Variants in TFB1M observed in about 807,000 individuals in gnomAD.
TFB1M encodes dimethyladenosine transferase 1, mitochondrial.
Under a neutral mutation model 31.1 loss-of-function variants are expected in TFB1M, and 27 were observed. The observed-to-expected ratio is 0.87, with a 90% CI of 0.64 to 1.20. The LOEUF (loss-of-function observed/expected upper bound fraction) is 1.20. Ranked by LOEUF, TFB1M falls within the 50% of genes most tolerant of loss-of-function variation. The pLI is 0.00. For synonymous variants in TFB1M, 166 were observed against 151.8 expected (o/e 1.09, Z -0.69); for missense variants, 394 against 418.7 (o/e 0.94, Z 0.51).
chr6:155,235,904 C>T, the TFB1M span, among the ~76,000 whole-genome samples: 22 of 152,190 alleles, frequency 1.4e-4, no homozygotes, highest in Admixed American at 5.9e-4. Flanking sequence ...TTTTGACATC[C>T]CAGTGAAGCA....
At chr6:155,294,421 T>C (rs1158687004) in intron 4 of TFB1M, among the ~76,000 whole-genome samples, 1 of 152,074 alleles carries the variant, frequency 6.6e-6, no homozygotes, top group Non-Finnish European at 1.5e-5. Flanking sequence ...CACATTTAAC[T>C]AAGGACTAGT....
chr6:155,264,842 A>G (rs1784548813), intron 5 of TFB1M, among the ~76,000 whole-genome samples: 1 of 152,328 alleles, frequency 6.6e-6, no homozygotes, highest in South Asian at 2.1e-4. Context: ...ATATGTATGT[A>G]TGTAAATTAC....
chr6:155,240,888 A>T, the TFB1M span, among the ~76,000 whole-genome samples: 1 of 152,184 alleles, frequency 6.6e-6, no homozygotes, highest in Non-Finnish European at 1.5e-5. Context: ...AGGGTGGAAG[A>T]GCTGAGGAGA....
At chr6:155,233,984 T>C in the TFB1M span, among the ~76,000 whole-genome samples, 164 of 128,612 alleles carry the variant, frequency 1.3e-3, 1 homozygote, top group East Asian at 0.034. Flanking sequence ...ACAAAAACAA[T>C]TTGAGAGAAA....
chr6:155,266,973 T>C (rs1329171570), intron 5 of TFB1M, among the ~76,000 whole-genome samples: 8 of 147,226 alleles, frequency 5.4e-5, no homozygotes, highest in Admixed American at 5.4e-4. Context: ...TTGCTGCCTT[T>C]TTTTTTTTTT....
At chr6:155,245,085 T>C in the TFB1M span, among the ~76,000 whole-genome samples, 3 of 152,242 alleles carry the variant, frequency 2.0e-5, no homozygotes, top group East Asian at 5.8e-4. Context: ...TGGTTGCTTC[T>C]GAAACCAGAG....
the TFB1M span, among the ~76,000 whole-genome samples, chr6:155,241,051 C>T: frequency 1.3e-5 from 2 of 152,194 alleles, no homozygotes; most frequent in African/African-American, 4.8e-5. Flanking sequence ...TGATGAGGAA[C>T]TTGGGAACAA....
At chr6:155,244,923 C>G in the TFB1M span, 419 of 1,099,708 alleles carry the variant, frequency 3.8e-4, 1 homozygote, top group Non-Finnish European at 5.0e-4. Context: ...TTCCTTGCAC[C>G]GTTTTCCTCT....
chr6:155,240,809 C>T, the TFB1M span: 4 of 1,279,746 alleles, frequency 3.1e-6, no homozygotes, highest in Non-Finnish European at 4.3e-6. Context: ...GGACACCTGC[C>T]ACTCCCCAGG....
At chr6:155,272,912 GA>G (rs1178544066) in intron 5 of TFB1M, among the ~76,000 whole-genome samples, 1 of 152,158 alleles carries the variant, frequency 6.6e-6, no homozygotes, top group African/African-American at 2.4e-5. Flanking sequence ...TTAATGGGAA[GA>G]AAAGGATTAT....
intron 2 of TFB1M, among the ~76,000 whole-genome samples, chr6:155,305,224 AT>A: frequency 2.2e-5 from 1 of 45,308 alleles, no homozygotes; most frequent in Non-Finnish European, 3.5e-5. Flanking sequence ...ATATATTTAT[AT>A]ATATATATTA....
intron 1 of TFB1M, chr6:155,314,022 A>G: frequency 8.4e-7 from 1 of 1,191,714 alleles, no homozygotes. Context: ...TTCACGACCC[A>G]TGAACCCTTC....
At chr6:155,249,949 C>G in the TFB1M span, 1 of 1,613,338 alleles carries the variant, frequency 6.2e-7, no homozygotes. Context: ...AGTAGCTGAG[C>G]AGAGCGGAAC....
chr6:155,249,753 G>C, the TFB1M span: 1 of 1,015,758 alleles, frequency 9.8e-7, no homozygotes, highest in East Asian at 2.6e-5. Context: ...TACTGGTCTG[G>C]AATCCTGAGT....
chr6:155,298,381 CAT>C (rs1777274028), intron 3 of TFB1M, 94 bp downstream of exon 3: 2 of 717,420 alleles, frequency 2.8e-6, no homozygotes, highest in Non-Finnish European at 5.0e-6. Flanking sequence ...AAAATATAAA[CAT>C]ATAAGACATT....
At chr6:155,306,298 G>A (rs111917999) in intron 2 of TFB1M, among the ~76,000 whole-genome samples, 12 of 152,120 alleles carry the variant, frequency 7.9e-5, no homozygotes, top group African/African-American at 2.9e-4. Flanking sequence ...TGGTATTTCT[G>A]TAAAAAGTAT....
At chr6:155,298,706 T>A in intron 2 of TFB1M, 121 bp from the exon 3 acceptor site, 1 of 699,650 alleles carries the variant, frequency 1.4e-6, no homozygotes, top group Non-Finnish European at 2.6e-6. Context: ...GGGTGATCAT[T>A]AATGAACAAA....
chr6:155,232,572 C>G, the TFB1M span: 3 of 152,222 alleles, frequency 2.0e-5, no homozygotes, highest in African/African-American at 4.8e-5. Flanking sequence ...AACCCTAGTT[C>G]TTCTGACTGA....
At chr6:155,313,429 T>C (rs1252535931) in intron 1 of TFB1M, among the ~76,000 whole-genome samples, 1 of 152,158 alleles carries the variant, frequency 6.6e-6, no homozygotes, top group African/African-American at 2.4e-5. Context: ...TTTCAACTTC[T>C]GAAGTGGGAC....
Sources: allele counts gnomAD v4.1 joint callset (sites outside exome capture counted in the v4.1 genomes callset), GRCh38; gene constraint gnomAD v4.1.1; transcripts MANE v1.5; gene names NCBI Gene and HGNC (gene_info 2026-07-23, HGNC 2026-07-21).